The following FGF1 variants were observed in gnomAD, a reference collection of about 807,000 sequenced individuals.
The protein encoded by FGF1 is fibroblast growth factor 1.
A neutral mutation model predicts 13.4 loss-of-function variants in FGF1; 9 were observed. The ratio of observed to expected loss-of-function variants is 0.67; its 90% CI spans 0.40 to 1.17. FGF1 has a LOEUF of 1.17. Ranked by LOEUF, FGF1 falls within the 50% of genes most tolerant of loss-of-function variation. The pLI is 0.01. For synonymous variants in FGF1, 93 were observed against 79.0 expected, an observed-to-expected ratio of 1.18 and a Z score of -0.94; for missense variants, 156 against 192.7, an observed-to-expected ratio of 0.81 and a Z score of 1.13.
At chr5:142,600,123 A>G (rs1756165275) in intron 3 of FGF1, among the ~76,000 whole-genome samples, 1 of 152,184 alleles carries the variant, frequency 6.6e-6, no homozygotes, top group East Asian at 1.9e-4. Context: ...TAATCCCAGC[A>G]CTTTGGAAGG....
chr5:142,623,383 C>T (rs567089235), intron 1 of FGF1, among the ~76,000 whole-genome samples: 26 of 150,528 alleles, frequency 1.7e-4, no homozygotes, highest in Non-Finnish European at 3.1e-4. Context: ...CTCGTTCTGT[C>T]GCCCAGGCTG....
chr5:142,667,539 T>G (rs1391800824), intron 1 of FGF1, among the ~76,000 whole-genome samples: 26 of 143,406 alleles, frequency 1.8e-4, no homozygotes, highest in Admixed American at 1.5e-3. Flanking sequence ...TGAGCTGAGA[T>G]CGGGCCACTG....
At chr5:142,605,010 T>C (rs774888086) in intron 2 of FGF1, among the ~76,000 whole-genome samples, 8 of 152,196 alleles carry the variant, frequency 5.3e-5, no homozygotes, top group Non-Finnish European at 8.8e-5. Context: ...CTATCGCCCA[T>C]ATATGTAGAT....
At chr5:142,680,764 G>T (rs1017844657) in intron 1 of FGF1, 1 of 152,184 alleles carries the variant, frequency 6.6e-6, no homozygotes, top group African/African-American at 2.4e-5. Context: ...CCATGACTGA[G>T]TCCACACAAC....
rs2071119888 is a variant in FGF1, at chr5:142,608,647, G to GCTT, written c.169+5309_169+5311dup. ...AAAAACCTTATCTTAAAAGGTGTCT[G>GCTT]CTTCTTTAAGGTCTGAAAAAGTTGT... is the stretch of plus-strand genomic sequence containing the variant. On this transcript the variant is annotated intron_variant, in intron 2 of 3. Transcript: ENST00000337706. Among the ~76,000 whole-genome samples, 3 of 140,474 alleles carry GCTT rather than the reference G, an allele frequency of 2.1e-5. No individual in the cohort carries two copies. The South Asian group carries it at 6.6e-4, about 31-fold the overall frequency. 92.2% of individuals were successfully genotyped at this position (140,474 alleles called of 152,430 possible).
intron 1 of FGF1, among the ~76,000 whole-genome samples, chr5:142,649,112 C>A (rs1176817190): frequency 6.6e-6 from 1 of 152,208 alleles, no homozygotes; most frequent in Non-Finnish European, 1.5e-5. Context: ...TACCTCAGAT[C>A]TTTATTTATA....
chr5:142,595,273 A>G lies in FGF1; in HGVS notation c.*17T>C, dbSNP rs528076675. On this transcript the variant is annotated 3_prime_UTR_variant, in exon 4 of 4. Transcript: ENST00000337706. ...TCGAAACTTCTCTGGAGTGGTCAAC[A>G]CCCAGAACAGATCTCTTTAATCAGA... 14 of 1,610,768 alleles carry G rather than the reference A, an allele frequency of 8.7e-6. No individual in the cohort carries two copies. The South Asian group carries it at 1.3e-4, about 15-fold the overall frequency.
intron 1 of FGF1, among the ~76,000 whole-genome samples, chr5:142,677,561 A>C (rs531544025): frequency 6.6e-6 from 1 of 152,336 alleles, no homozygotes; most frequent in Admixed American, 6.5e-5. Flanking sequence ...AGGCCAGCCC[A>C]CCTGAGTTAG....
intron 1 of FGF1, among the ~76,000 whole-genome samples, chr5:142,673,145 G>A (rs1771822464): frequency 6.6e-6 from 1 of 152,064 alleles, no homozygotes; most frequent in Non-Finnish European, 1.5e-5. Context: ...TTTTCTTGGA[G>A]AGCACGGAAA....
At position 142,592,260 on chromosome 5, in the gene FGF1, A is replaced by G. The variant is rs1754401848; in HGVS notation, c.*3030T>C. On this transcript the variant is annotated 3_prime_UTR_variant, in exon 4 of 4. Coordinates refer to ENST00000337706, the MANE Select transcript of FGF1 (RefSeq NM_000800.5). ...AAGACAGTGATGTGAAATAACAGGC[A>G]TCTTCATCAGAGGTCTGCTTTGCAG... The G allele has an allele frequency of 2.0e-5, 8 of 398,288 alleles. No individual in the cohort carries two copies. The Middle Eastern group carries it at 1.9e-3, about 94-fold the overall frequency. 24.7% of individuals were successfully genotyped at this position (398,288 alleles called of 1,614,324 possible). A position where few individuals can be genotyped will look rare whatever the true frequency, so the allele number is the denominator to read the frequency against.
chr5:142,627,645 C>CCA (rs1762684144), intron 1 of FGF1, among the ~76,000 whole-genome samples: 2 of 152,306 alleles, frequency 1.3e-5, no homozygotes, highest in South Asian at 4.1e-4. Context: ...GCCCCAAGCA[C>CCA]CACGCAGGAA....
chr5:142,667,697 C>A (rs1196858593), intron 1 of FGF1, among the ~76,000 whole-genome samples: 3 of 152,128 alleles, frequency 2.0e-5, no homozygotes, highest in Non-Finnish European at 1.5e-5. Context: ...CGGCTGTCCT[C>A]CCACTACCAA....
intron 2 of FGF1, among the ~76,000 whole-genome samples, chr5:142,691,383 C>T (rs1438301792): frequency 6.6e-6 from 1 of 151,256 alleles, no homozygotes. Flanking sequence ...GATAGTGTCA[C>T]TGCACTCCAG....
intron 1 of FGF1, among the ~76,000 whole-genome samples, chr5:142,617,657 T>G (rs1760546276): frequency 6.6e-6 from 1 of 152,246 alleles, no homozygotes; most frequent in South Asian, 2.1e-4. Context: ...GAAGGAGACA[T>G]GTAGGCTTCT....
chr5:142,603,358 G>A (rs152523), intron 2 of FGF1, among the ~76,000 whole-genome samples: 28,902 of 151,948 alleles, frequency 0.19, 3,398 homozygotes, highest in East Asian at 0.3. Flanking sequence ...CTCTGCGCAC[G>A]GGGTCCTTTC....
At chr5:142,634,703 C>T (rs949397153) in intron 1 of FGF1, among the ~76,000 whole-genome samples, 4 of 152,292 alleles carry the variant, frequency 2.6e-5, no homozygotes, top group Non-Finnish European at 5.9e-5. Flanking sequence ...TGTCTTTCAT[C>T]CTTTGGGAGT....
At chr5:142,684,455 T>C (rs762866080) in intron 1 of FGF1, among the ~76,000 whole-genome samples, 2 of 152,218 alleles carry the variant, frequency 1.3e-5, no homozygotes, top group Admixed American at 6.5e-5. Context: ...TTGGATTACA[T>C]ACTTCATTTG....
chr5:142,624,647 G>C (rs1324727518), intron 1 of FGF1, among the ~76,000 whole-genome samples: 2 of 152,084 alleles, frequency 1.3e-5, no homozygotes, highest in African/African-American at 4.8e-5. Context: ...CTGTCCCCTG[G>C]TTTCTAGAAT....
chr5:142,642,682 C>T (rs549400898), intron 1 of FGF1, among the ~76,000 whole-genome samples: 1 of 152,206 alleles, frequency 6.6e-6, no homozygotes, highest in Non-Finnish European at 1.5e-5. Context: ...CCAGAGGAGA[C>T]GCTCACTGAG....
Sources: allele counts gnomAD v4.1 joint callset (sites outside exome capture counted in the v4.1 genomes callset), GRCh38; gene constraint gnomAD v4.1.1; transcripts MANE v1.5; gene names NCBI Gene and HGNC (gene_info 2026-07-23, HGNC 2026-07-21).